The following MAF variants were observed in gnomAD, a reference collection of about 807,000 sequenced individuals.
The protein encoded by MAF is MAF bZIP transcription factor, also known as transcription factor Maf.
A neutral mutation model predicts 22.0 loss-of-function variants in MAF; 10 were observed. The ratio of observed to expected loss-of-function variants is 0.45; its 90% CI spans 0.28 to 0.77. The LOEUF is 0.77. Ranked by LOEUF, MAF falls within the 30% of genes least tolerant of loss-of-function variation. The pLI, the probability that MAF is intolerant of heterozygous loss-of-function variation, is 0.12. For missense variants in MAF, 544 were observed against 548.4 expected, an observed-to-expected ratio of 0.99 and a Z score of 0.08; for synonymous variants, 337 against 255.8, an observed-to-expected ratio of 1.32 and a Z score of -3.03.
chr16:79,430,200 G>C, the MAF span, among the ~76,000 whole-genome samples: 1 of 152,190 alleles, frequency 6.6e-6, no homozygotes, highest in African/African-American at 2.4e-5. Flanking sequence ...GAAAGGTAGC[G>C]CTTTGTTTAC....
the MAF span, among the ~76,000 whole-genome samples, chr16:79,548,090 T>A: frequency 6.6e-6 from 1 of 152,238 alleles, no homozygotes; most frequent in African/African-American, 2.4e-5. Flanking sequence ...GTTTTCTTTT[T>A]TAGATTTGAT....
At chr16:79,370,334 G>A in the MAF span, among the ~76,000 whole-genome samples, 1 of 152,144 alleles carries the variant, frequency 6.6e-6, no homozygotes, top group African/African-American at 2.4e-5. Context: ...TGGTATCATA[G>A]ACCAAAATCC....
chr16:79,256,461 A>G, the MAF span, among the ~76,000 whole-genome samples: 1 of 152,080 alleles, frequency 6.6e-6, no homozygotes, highest in Non-Finnish European at 1.5e-5. Context: ...CAGGACTCAT[A>G]CTCAACCTCC....
intron 1 of MAF, chr16:79,596,124 C>A (rs1361960475): frequency 1.9e-6 from 2 of 1,062,290 alleles, no homozygotes; most frequent in East Asian, 1.0e-4. Context: ...TTGTCCGGCT[C>A]CTCTGTCTAT....
the MAF span, among the ~76,000 whole-genome samples, chr16:79,281,974 C>G: frequency 6.6e-6 from 1 of 152,032 alleles, no homozygotes; most frequent in South Asian, 2.1e-4. Context: ...ATGGAACAAT[C>G]CAACAGGAGT....
chr16:79,247,905 GA>G, the MAF span, among the ~76,000 whole-genome samples: 1 of 152,158 alleles, frequency 6.6e-6, no homozygotes, highest in African/African-American at 2.4e-5. Flanking sequence ...TGGAATGAGT[GA>G]AAACTCTTTT....
the MAF span, among the ~76,000 whole-genome samples, chr16:79,211,343 A>G: frequency 3.3e-5 from 5 of 152,082 alleles, no homozygotes; most frequent in Non-Finnish European, 7.4e-5. Context: ...TGATATGTGT[A>G]TTTATTTTCC....
the MAF span, among the ~76,000 whole-genome samples, chr16:79,257,031 G>A: frequency 0.42 from 64,452 of 151,844 alleles, 16,089 homozygotes; most frequent in Non-Finnish European, 0.58. Context: ...ACAAAAATTA[G>A]CCAGGTATGG....
the MAF span, among the ~76,000 whole-genome samples, chr16:79,345,722 G>A: frequency 1.7e-4 from 9 of 53,032 alleles, no homozygotes; most frequent in South Asian, 1.1e-3. Context: ...GCAAGACTCC[G>A]TCTCAAAAAA....
At chr16:79,385,517 G>A in the MAF span, among the ~76,000 whole-genome samples, 7 of 152,318 alleles carry the variant, frequency 4.6e-5, no homozygotes, top group South Asian at 1.2e-3. Context: ...TTTAACGTAC[G>A]CAAGCATGCG....
the MAF span, among the ~76,000 whole-genome samples, chr16:79,524,290 T>G: frequency 6.6e-6 from 1 of 152,174 alleles, no homozygotes; most frequent in African/African-American, 2.4e-5. Flanking sequence ...AATACCTTCT[T>G]GCTCAGATTG....
At chr16:79,266,980 C>T in the MAF span, among the ~76,000 whole-genome samples, 5 of 152,178 alleles carry the variant, frequency 3.3e-5, no homozygotes, top group South Asian at 8.3e-4. Context: ...CACATGGCAG[C>T]TCTCAATAAA....
the MAF span, among the ~76,000 whole-genome samples, chr16:79,579,417 C>G: frequency 2.6e-5 from 4 of 152,152 alleles, no homozygotes; most frequent in Non-Finnish European, 5.9e-5. Flanking sequence ...GACATTGCCT[C>G]TACCATACAA....
chr16:79,392,407 AAG>A, the MAF span, among the ~76,000 whole-genome samples: 1 of 149,810 alleles, frequency 6.7e-6, no homozygotes, highest in Middle Eastern at 3.4e-3. Flanking sequence ...GAAACAGGAA[AAG>A]AGAAGAAAAA....
the MAF span, among the ~76,000 whole-genome samples, chr16:79,463,279 C>A: frequency 6.6e-6 from 1 of 152,184 alleles, no homozygotes; most frequent in Non-Finnish European, 1.5e-5. Context: ...CCCCCACACA[C>A]CATGGTAGGT....
chr16:79,396,811 C>T, the MAF span, among the ~76,000 whole-genome samples: 1 of 152,182 alleles, frequency 6.6e-6, no homozygotes, highest in Non-Finnish European at 1.5e-5. Context: ...TTTTAAAGCT[C>T]CTAGGGTGAT....
chr16:79,273,146 C>T, the MAF span, among the ~76,000 whole-genome samples: 1 of 152,156 alleles, frequency 6.6e-6, no homozygotes, highest in Non-Finnish European at 1.5e-5. Flanking sequence ...GTCAGACCTT[C>T]AGGGAATCCC....
chr16:79,571,573 A>G, the MAF span, among the ~76,000 whole-genome samples: 2 of 128,186 alleles, frequency 1.6e-5, no homozygotes, highest in African/African-American at 6.0e-5. Flanking sequence ...ACCAAAGCCC[A>G]GTACTTCCCC....
At chr16:79,533,474 C>G in the MAF span, among the ~76,000 whole-genome samples, 1 of 152,122 alleles carries the variant, frequency 6.6e-6, no homozygotes, top group African/African-American at 2.4e-5. Context: ...TCATTCACAA[C>G]CACTGGAATC....
Sources: gnomAD v4.1 joint callset for allele counts (sites outside exome capture counted in the v4.1 genomes callset) on GRCh38, gnomAD v4.1.1 for gene constraint, MANE v1.5 for transcripts, NCBI Gene and HGNC (gene_info 2026-07-23, HGNC 2026-07-21) for gene names.